PKHD1L1: variants seen among roughly 807,000 people sequenced by gnomAD.
PKHD1L1 encodes the protein PKHD1 like 1, also known as fibrocystin-L.
PKHD1L1 carries 434 observed loss-of-function variants against 462.9 expected under a neutral mutation model. That is an observed-to-expected ratio of 0.94 (90% CI 0.87 to 1.02). PKHD1L1 has a LOEUF of 1.02. Ranked by LOEUF, PKHD1L1 falls within the 50% of genes least tolerant of loss-of-function variation. The probability of loss-of-function intolerance (pLI) is 0.00; values close to 1 mark genes in which losing one functional copy is unlikely to be tolerated. For synonymous variants in PKHD1L1, 1,781 were observed against 1,750.0 expected, an observed-to-expected ratio of 1.02 and a Z score of -0.44; for missense variants, 5,202 against 5,096.1, an observed-to-expected ratio of 1.02 and a Z score of -0.63.
intron 21 of PKHD1L1, among the ~76,000 whole-genome samples, chr8:109,416,438 A>G (rs1814173375): frequency 6.6e-6 from 1 of 152,206 alleles, no homozygotes; most frequent in Non-Finnish European, 1.5e-5. Context: ...GATTTTAATA[A>G]TTAACAATAT....
intron 27 of PKHD1L1, among the ~76,000 whole-genome samples, chr8:109,432,169 A>G (rs1815144390): frequency 6.6e-6 from 1 of 152,000 alleles, no homozygotes; most frequent in Admixed American, 6.6e-5. Flanking sequence ...ACTTGTAACC[A>G]TTTACTATAT....
intron 27 of PKHD1L1, among the ~76,000 whole-genome samples, chr8:109,432,206 G>A (rs1815147124): frequency 1.3e-5 from 2 of 151,900 alleles, no homozygotes; most frequent in South Asian, 4.2e-4. Flanking sequence ...CTTTGCACAT[G>A]GCTTCTCTCA....
Position 109,491,870 on chromosome 8 carries a change from C to G in PKHD1L1, c.10115-3C>G. ...TTCTTTCTTTTTTTCTTTTTTTAAA[C>G]AGGCATAAGAATATGGGGGAATGCC... is the stretch of plus-strand genomic sequence containing the variant. On this transcript the variant is annotated splice_polypyrimidine_tract_variant and splice_region_variant and intron_variant, in intron 61 of 77. Transcript: ENST00000378402. The G allele has an allele frequency of 6.4e-7, 1 of 1,572,266 alleles. No homozygotes were observed. The highest frequency in any genetic ancestry group is 1.8e-5 in the Admixed American group (1 of 55,382).
In PKHD1L1 at chr8:109,438,306, T is replaced by G; in HGVS notation, c.3628-18T>G. On this transcript the variant is annotated intron_variant, in intron 30 of 77. Coordinates refer to ENST00000378402, the MANE Select transcript of PKHD1L1 (RefSeq NM_177531.6). Reference sequence around the variant, plus strand: ...TCTCAACAATTAATATTTTCTAATTTTTTTCCTCTTATTTTAGAAAACTGA... The same window carrying G: ...TCTCAACAATTAATATTTTCTAATTGTTTTCCTCTTATTTTAGAAAACTGA... 2 of 1,440,076 alleles carry G rather than the reference T, an allele frequency of 1.4e-6. No homozygotes were observed. Among genetic ancestry groups the G allele is most frequent in the Non-Finnish European group, 1.9e-6 (2 of 1,073,726 alleles). The allele number at this position is 1,440,076 out of a possible 1,614,324, so 89.2% of individuals were successfully genotyped here. A position where few individuals can be genotyped will look rare whatever the true frequency, so the allele number is the denominator to read the frequency against.
chr8:109,373,677 T>C (rs576773721), intron 2 of PKHD1L1, among the ~76,000 whole-genome samples: 93 of 152,352 alleles, frequency 6.1e-4, no homozygotes, highest in Non-Finnish European at 6.8e-4. Flanking sequence ...CTGCTTTGAA[T>C]GTGTCCCAGA....
At chr8:109,470,112 T>C (rs1009561592) in intron 50 of PKHD1L1, 20 of 478,168 alleles carry the variant, frequency 4.2e-5, no homozygotes, top group Non-Finnish European at 3.7e-6. Flanking sequence ...ATTTTAAATA[T>C]ACAACATAAT....
intron 23 of PKHD1L1, among the ~76,000 whole-genome samples, chr8:109,422,782 A>G (rs1814540088): frequency 6.6e-6 from 1 of 152,168 alleles, no homozygotes. Flanking sequence ...ATAGTTTTTA[A>G]AGAAACTACC....
chr8:109,485,300 C>A, intron 58 of PKHD1L1, 127 bp downstream of exon 58: 1 of 796,922 alleles, frequency 1.3e-6, no homozygotes, highest in Non-Finnish European at 1.9e-6. Context: ...TTCAGATTGG[C>A]AATGATACCC....
intron 48 of PKHD1L1, 66 bp downstream of exon 48, chr8:109,461,974 G>A: frequency 1.3e-6 from 2 of 1,504,936 alleles, no homozygotes; most frequent in South Asian, 2.6e-5. Context: ...AATGTGTGTT[G>A]AACTCCTGCT....
rs763680779 is a variant in PKHD1L1, at chr8:109,382,471, C to T, written c.317C>T (p.Pro106Leu). ...TQITCYTRAM[P>L]EDSYTVRVSV... ...CTTCATTTTCTTTATAGAGCAATGC[C>T]GGAAGATTCCTACACTGTTAGAGTC... The change falls in exon 4 of 78, where the codon CCG becomes CTG. Residue 106 changes from proline (P) to leucine (L), a missense_variant. Physicochemically the swap from Pro to Leu is moderately conservative, Grantham distance 98. Coordinates refer to ENST00000378402, the MANE Select transcript of PKHD1L1 (RefSeq NM_177531.6). 2.3e-5 allele frequency: 37 copies of T among 1,603,248 alleles called. No individual in the cohort carries two copies. Among genetic ancestry groups the T allele is most frequent in the African/African-American group, 4.0e-5 (3 of 74,124 alleles).
chr8:109,398,674 G>C, intron 12 of PKHD1L1, 126 bp downstream of exon 12: 1 of 411,152 alleles, frequency 2.4e-6, no homozygotes, highest in Admixed American at 4.5e-5. Flanking sequence ...TTTCCTCCAA[G>C]TTTTAAAATT....
At chr8:109,466,923 A>G (rs780649014) in intron 50 of PKHD1L1, among the ~76,000 whole-genome samples, 154 bp downstream of exon 50, 1 of 152,104 alleles carries the variant, frequency 6.6e-6, no homozygotes, top group Non-Finnish European at 1.5e-5. Flanking sequence ...ATACTCTCGA[A>G]GTAGGTGTTT....
intron 23 of PKHD1L1, among the ~76,000 whole-genome samples, chr8:109,424,278 A>C (rs542452944): frequency 1.4e-4 from 21 of 152,316 alleles, no homozygotes; most frequent in African/African-American, 4.8e-4. Flanking sequence ...CATATACTGT[A>C]GTTTCATTCT....
At position 109,522,315 on chromosome 8, in the gene PKHD1L1, C is replaced by T; in HGVS notation, c.12161C>T (p.Pro4054Leu). Reference protein sequence around the residue: ...SMSITNPLPSPSDSGWIKVTA... With the variant: ...SMSITNPLPSLSDSGWIKVTA... ...TCTATTACTAATCCCCTCCCCAGCC[C>T]AAGTGACTCTGGGTGGATTAAGGTA... Residue 4054 changes from proline to leucine, a missense_variant, in exon 74 of 78, where the codon CCA becomes CTA. This residue lies in a region of PKHD1L1 where 698 missense variants were observed against 736.3 expected (regional missense o/e 0.95). Transcript: ENST00000378402. 1 of 1,603,526 alleles carries T rather than the reference C, an allele frequency of 6.2e-7. No homozygotes were observed. Among genetic ancestry groups the T allele is most frequent in the Non-Finnish European group, 8.5e-7 (1 of 1,175,200 alleles).
intron 67 of PKHD1L1, among the ~76,000 whole-genome samples, chr8:109,504,095 A>G (rs1819570470): frequency 4.6e-5 from 7 of 152,196 alleles, no homozygotes; most frequent in Admixed American, 3.3e-4. Flanking sequence ...GGCCAAACCA[A>G]GTTACATGGC....
intron 70 of PKHD1L1, among the ~76,000 whole-genome samples, chr8:109,509,673 TTA>T (rs1164125825): frequency 4.0e-5 from 6 of 151,896 alleles, no homozygotes; most frequent in Non-Finnish European, 8.8e-5. Flanking sequence ...CTCTAAATTT[TTA>T]TGTTATACAT....
At chr8:109,433,011 G>A (rs1815197821) in intron 27 of PKHD1L1, 95 bp from the exon 28 acceptor site, 1 of 910,764 alleles carries the variant, frequency 1.1e-6, no homozygotes, top group Non-Finnish European at 1.7e-6. Flanking sequence ...ATCTTTTGAA[G>A]ATAGACTTAT....
At position 109,390,456 on chromosome 8, in the gene PKHD1L1, T is replaced by C. The variant is rs764634221; in HGVS notation, c.702T>C (p.His234=). ...TGTATTTTCATTAAATTCCAGGTCA[T>C]CACAATGTCAGCTTCATCTTAGATA... ...VCKTTGTFIG[H]HNVSFILDND... Residue 234 remains histidine (H), a synonymous_variant, in exon 9 of 78, where the codon CAT becomes CAC. Transcript: ENST00000378402. 1.4e-6 allele frequency: 2 copies of C among 1,445,364 alleles called. No individual in the cohort carries two copies. The highest frequency in any genetic ancestry group is 2.2e-5 in the Admixed American group (1 of 44,472). The allele number at this position is 1,445,364 out of a possible 1,614,324, so 89.5% of individuals were successfully genotyped here.
intron 46 of PKHD1L1, among the ~76,000 whole-genome samples, chr8:109,457,090 C>T (rs866809617): frequency 9.9e-5 from 15 of 151,988 alleles, no homozygotes; most frequent in African/African-American, 3.4e-4. Flanking sequence ...ATTATTTTTG[C>T]TTTATTGTTC....
Sources: gnomAD v4.1 joint callset for allele counts (sites outside exome capture counted in the v4.1 genomes callset) on GRCh38, gnomAD v4.1.1 for gene constraint, gnomAD v4.1.1 regional missense constraint, MANE v1.5 for transcripts, NCBI Gene and HGNC (gene_info 2026-07-23, HGNC 2026-07-21) for gene names.